FBXO25: variants seen among roughly 807,000 people sequenced by gnomAD.
FBXO25 encodes F-box protein 25.
Under a neutral mutation model 51.9 loss-of-function variants are expected in FBXO25, and 45 were observed. That is an observed-to-expected ratio of 0.87 (90% CI 0.68 to 1.11). The LOEUF (loss-of-function observed/expected upper bound fraction) is 1.11, where lower values mean the gene tolerates loss of function less well. Among genes scored for constraint, FBXO25 ranks in the 50% most tolerant of loss-of-function variants. The pLI is 0.00. For missense variants in FBXO25, 507 were observed against 428.5 expected, an observed-to-expected ratio of 1.18 and a Z score of -1.62; for synonymous variants, 199 against 151.0, an observed-to-expected ratio of 1.32 and a Z score of -2.33.
chr8:439,064 A>C (rs999361485), intron 5 of FBXO25, among the ~76,000 whole-genome samples: 1 of 152,246 alleles, frequency 6.6e-6, no homozygotes, highest in Non-Finnish European at 1.5e-5. Context: ...AGAGGTGCCC[A>C]GCAAACCCAG....
chr8:427,037 A>G lies in FBXO25; in HGVS notation c.135-4304A>G, dbSNP rs184669190. On this transcript the variant is annotated intron_variant, in intron 2 of 9. Coordinates refer to ENST00000350302, the MANE Select transcript of FBXO25 (RefSeq NM_183420.2). ...TAATACACTGATACGAAGTAGCTTT[A>G]TATCAGGAAAATGGATAAACGTAAA... Among the ~76,000 whole-genome samples the G allele has an allele frequency of 1.2e-3, 185 of 152,220 alleles. 1 individual carries two copies. Among genetic ancestry groups the G allele is most frequent in the Middle Eastern group, 6.8e-3 (2 of 294 alleles).
At chr8:439,488 C>G (rs1476405601) in intron 5 of FBXO25, among the ~76,000 whole-genome samples, 2 of 152,148 alleles carry the variant, frequency 1.3e-5, no homozygotes, top group Non-Finnish European at 2.9e-5. Flanking sequence ...ATCTGAAGTA[C>G]TTCATTCTCT....
At position 474,381 on chromosome 8, in the gene FBXO25, A is replaced by C. The variant is rs1260332835; in HGVS notation, c.*5577A>C. ...TTGCTTCCACCTTTTAGCTATTGTG[A>C]ATATTGCTGCCGTAAACATGGGTGT... On this transcript the variant is annotated 3_prime_UTR_variant, in exon 10 of 10. Coordinates refer to ENST00000350302, the MANE Select transcript of FBXO25 (RefSeq NM_183420.2). 1.5e-5 allele frequency: 4 copies of C among 267,814 alleles called. No homozygotes were observed. The East Asian group carries it at 4.5e-4, about 30-fold the overall frequency. 16.6% of individuals were successfully genotyped at this position (267,814 alleles called of 1,614,324 possible). A position where few individuals can be genotyped will look rare whatever the true frequency, so the allele number is the denominator to read the frequency against.
In FBXO25 at chr8:468,597, A is replaced by T. The variant is rs1240768769; in HGVS notation, c.988-118A>T. 7.1e-6 allele frequency: 5 copies of T among 704,346 alleles called. No homozygotes were observed. The South Asian group carries it at 8.8e-5, about 12-fold the overall frequency. 43.6% of individuals were successfully genotyped at this position (704,346 alleles called of 1,614,324 possible). A position where few individuals can be genotyped will look rare whatever the true frequency, so the allele number is the denominator to read the frequency against. ...TTCTCATCCAAGTTATCTCCCATGT[A>T]CCTCTGAGGTGGGGCCCAGGGTCCA... On this transcript the variant is annotated intron_variant, in intron 9 of 9. Coordinates refer to ENST00000350302, the MANE Select transcript of FBXO25 (RefSeq NM_183420.2).
At chr8:424,891 C>T (rs186510015) in intron 2 of FBXO25, among the ~76,000 whole-genome samples, 11 of 151,970 alleles carry the variant, frequency 7.2e-5, no homozygotes, top group African/African-American at 2.7e-4. Flanking sequence ...TCTTGTTGTT[C>T]TTAAATGCAT....
chr8:431,573 G>A lies in FBXO25; in HGVS notation c.238+129G>A, dbSNP rs1176846839. On this transcript the variant is annotated intron_variant, in intron 3 of 9. Coordinates refer to ENST00000350302, the MANE Select transcript of FBXO25 (RefSeq NM_183420.2). ...AAATAACAGCCCAGTATCCAGCATT[G>A]CCTACAGATTTAGTGATCAAACTTT... 74 of 523,914 alleles carry A rather than the reference G, an allele frequency of 1.4e-4. No individual in the cohort carries two copies. The East Asian group carries it at 2.6e-3, about 18-fold the overall frequency. The allele number at this position is 523,914 out of a possible 1,614,324, so 32.5% of individuals were successfully genotyped here. A position where few individuals can be genotyped will look rare whatever the true frequency, so the allele number is the denominator to read the frequency against.
intron 1 of FBXO25, among the ~76,000 whole-genome samples, chr8:411,879 A>T (rs1479819828): frequency 6.6e-6 from 1 of 152,182 alleles, no homozygotes; most frequent in Non-Finnish European, 1.5e-5. Context: ...CTCACTGTGT[A>T]TGAGAATCAC....
At chr8:423,253 AT>A (rs1213683584) in intron 2 of FBXO25, among the ~76,000 whole-genome samples, 1 of 152,110 alleles carries the variant, frequency 6.6e-6, no homozygotes, top group African/African-American at 2.4e-5. Context: ...AGTCTTCACC[AT>A]TGTGGTTCTT....
chr8:458,403 C>G lies in FBXO25; in HGVS notation c.695C>G (p.Pro232Arg). The G allele has an allele frequency of 6.2e-7, 1 of 1,614,116 alleles. No homozygotes were observed. The highest frequency in any genetic ancestry group is 1.7e-5 in the Admixed American group (1 of 60,020). ...AATGGCCTCACCCTCAGTGACCTTC[C>G]TCTGCACATGCTGAACAACATCCTA... is the stretch of plus-strand genomic sequence containing the variant. ...VNNGLTLSDL[P>R]LHMLNNILYR... The change falls in exon 8 of 10, where the codon CCT (proline) becomes CGT (arginine). Residue 232 changes from proline to arginine, a missense_variant. Coordinates refer to ENST00000350302, the MANE Select transcript of FBXO25 (RefSeq NM_183420.2).
intron 2 of FBXO25, among the ~76,000 whole-genome samples, chr8:422,911 C>T (rs1797240724): frequency 1.3e-5 from 2 of 152,064 alleles, no homozygotes; most frequent in African/African-American, 2.4e-5. Flanking sequence ...GGTCAGGACT[C>T]CCTGAACTGT....
At chr8:432,022 A>T (rs1027605119) in intron 3 of FBXO25, among the ~76,000 whole-genome samples, 4 of 152,188 alleles carry the variant, frequency 2.6e-5, no homozygotes, top group Admixed American at 2.0e-4. Context: ...ATGTATATAC[A>T]CACTTATAAT....
At chr8:468,379 C>T in intron 9 of FBXO25, 5 of 659,748 alleles carry the variant, frequency 7.6e-6, no homozygotes, top group Non-Finnish European at 9.4e-6. Context: ...ACAGAAAGTC[C>T]CCAGTGGTTT....
intron 4 of FBXO25, among the ~76,000 whole-genome samples, chr8:434,223 G>T (rs1215759289): frequency 2.6e-5 from 4 of 152,110 alleles, no homozygotes; most frequent in Non-Finnish European, 4.4e-5. Context: ...GTCCATGCTG[G>T]CTGGTGTCTC....
intron 8 of FBXO25, among the ~76,000 whole-genome samples, chr8:460,652 A>T (rs953076568): frequency 6.6e-6 from 1 of 152,232 alleles, no homozygotes; most frequent in Non-Finnish European, 1.5e-5. Context: ...GTTATTCAGG[A>T]GGAAAACCAT....
chr8:448,442 C>A lies in FBXO25; in HGVS notation c.382-1548C>A, dbSNP rs527250160. On this transcript the variant is annotated intron_variant, in intron 5 of 9. Coordinates refer to ENST00000350302, the MANE Select transcript of FBXO25 (RefSeq NM_183420.2). The stretch of plus-strand genomic sequence containing the variant: ...CAAATTCTTCAGATAGTGGAGTAAT[C>A]CTTACTTATGGGATCCTCCAGGAAG... Among the ~76,000 whole-genome samples, 3 of 152,308 alleles carry A rather than the reference C, an allele frequency of 2.0e-5. No individual in the cohort carries two copies. In the East Asian group the frequency reaches 5.8e-4, roughly 29 times the overall value.
chr8:477,083 T>C lies in FBXO25; in HGVS notation c.*8279T>C, dbSNP rs943702014. ...GAGCGTTGTTTAATTTTCACATAAT[T>C]GTGTACTTTTCAGTTTTTTGTCTGT... On this transcript the variant is annotated 3_prime_UTR_variant, in exon 10 of 10. Transcript: ENST00000350302. 2.6e-5 allele frequency: 4 copies of C among 152,026 alleles called. No homozygotes were observed. The highest frequency in any genetic ancestry group is 5.9e-5 in the Non-Finnish European group (4 of 68,050). The allele number at this position is 152,026 out of a possible 1,614,324, so 9.4% of individuals were successfully genotyped here.
Position 419,334 on chromosome 8 carries a change from A to C in FBXO25, c.134+6121A>C, listed in dbSNP as rs1288536464. 2.0e-5 allele frequency among the ~76,000 whole-genome samples: 3 copies of C among 152,282 alleles called. No homozygotes were observed. The East Asian group carries it at 5.8e-4, about 29-fold the overall frequency. ...TGGTGAGCAGAGATCCTGTCATTGC[A>C]CTCCAGCCTGGGCAACAAGAGCAAA... On this transcript the variant is annotated intron_variant, in intron 2 of 9. Transcript: ENST00000350302.
chr8:435,892 G>C (rs1288924364), intron 5 of FBXO25, among the ~76,000 whole-genome samples, 185 bp downstream of exon 5: 2 of 152,224 alleles, frequency 1.3e-5, no homozygotes, highest in South Asian at 2.1e-4. Flanking sequence ...GATTTCTCCA[G>C]TATTGGTGGC....
chr8:445,060 C>T (rs1798652691), intron 5 of FBXO25, among the ~76,000 whole-genome samples: 1 of 152,176 alleles, frequency 6.6e-6, no homozygotes, highest in South Asian at 2.1e-4. Flanking sequence ...TGAATGATTA[C>T]AGTTTCTTTG....
Sources: allele counts gnomAD v4.1 joint callset (sites outside exome capture counted in the v4.1 genomes callset), GRCh38; gene constraint gnomAD v4.1.1; transcripts MANE v1.5; gene names NCBI Gene and HGNC (gene_info 2026-07-23, HGNC 2026-07-21).